The following TBXAS1 variants were observed in gnomAD, a reference collection of about 807,000 sequenced individuals.
The protein encoded by TBXAS1 is thromboxane-A synthase.
TBXAS1 carries 48 observed loss-of-function variants against 60.7 expected under a neutral mutation model. The ratio of observed to expected loss-of-function variants is 0.79; its 90% CI spans 0.63 to 1.01. TBXAS1 has a LOEUF of 1.01. TBXAS1 is among the 50% of genes least tolerant of loss of function. TBXAS1 has a pLI of 0.00. For missense variants in TBXAS1, 685 were observed against 686.3 expected (o/e 1.00, Z 0.02); for synonymous variants, 287 against 269.7 (o/e 1.06, Z -0.63).
intron 4 of TBXAS1, among the ~76,000 whole-genome samples, chr7:139,934,633 G>A (rs1186153848): frequency 1.3e-5 from 2 of 152,216 alleles, no homozygotes; most frequent in East Asian, 1.9e-4. Context: ...GAAGCCTGAA[G>A]TCAAGGTGTC....
chr7:139,799,143 A>G (rs1337037793), intron 4 of TBXAS1, among the ~76,000 whole-genome samples: 1 of 139,230 alleles, frequency 7.2e-6, no homozygotes, highest in Non-Finnish European at 1.5e-5. Context: ...ATCCCTGGTC[A>G]CTGCAGCTTC....
At chr7:139,926,927 G>T (rs893992743) in intron 4 of TBXAS1, among the ~76,000 whole-genome samples, 4 of 151,778 alleles carry the variant, frequency 2.6e-5, no homozygotes, top group Admixed American at 6.6e-5. Flanking sequence ...TTAAACAATT[G>T]GAAATTGTAT....
intron 3 of TBXAS1, among the ~76,000 whole-genome samples, chr7:139,902,867 A>C (rs1163187728): frequency 1.3e-5 from 2 of 152,132 alleles, no homozygotes; most frequent in East Asian, 3.8e-4. Flanking sequence ...ATAATGTTAA[A>C]CATCTTTTCA....
At chr7:139,901,418 T>TA in intron 3 of TBXAS1, among the ~76,000 whole-genome samples, 1 of 152,092 alleles carries the variant, frequency 6.6e-6, no homozygotes, top group East Asian at 1.9e-4. Context: ...TTTGTTCCTT[T>TA]AAAAAAATCT....
intron 8 of TBXAS1, among the ~76,000 whole-genome samples, chr7:139,961,646 A>G (rs1213252680): frequency 6.6e-6 from 1 of 152,224 alleles, no homozygotes. Flanking sequence ...TGACTTTCAC[A>G]TCAGCCCAGA....
intron 4 of TBXAS1, among the ~76,000 whole-genome samples, chr7:139,790,262 T>C (rs925506590): frequency 6.6e-6 from 1 of 152,230 alleles, no homozygotes; most frequent in Non-Finnish European, 1.5e-5. Context: ...GTAGGGACCA[T>C]GAGGATCTTT....
intron 4 of TBXAS1, among the ~76,000 whole-genome samples, chr7:139,803,697 G>A (rs866489349): frequency 6.6e-6 from 1 of 152,194 alleles, no homozygotes; most frequent in Non-Finnish European, 1.5e-5. Flanking sequence ...ACTTGGTGCT[G>A]TGAGTCCCAG....
chr7:139,849,641 C>T (rs1170404367), intron 1 of TBXAS1, among the ~76,000 whole-genome samples: 4 of 152,006 alleles, frequency 2.6e-5, no homozygotes, highest in African/African-American at 4.8e-5. Context: ...TGACTGATGA[C>T]GGAGCATGAG....
intron 1 of TBXAS1, among the ~76,000 whole-genome samples, chr7:139,851,151 T>TA (rs1405796596): frequency 3.3e-5 from 5 of 152,182 alleles, no homozygotes; most frequent in African/African-American, 1.2e-4. Context: ...ACCTAACTCT[T>TA]AGCAAGTTTA....
intron 4 of TBXAS1, among the ~76,000 whole-genome samples, chr7:139,917,738 T>C (rs1806121196): frequency 6.6e-6 from 1 of 152,246 alleles, no homozygotes; most frequent in Non-Finnish European, 1.5e-5. Context: ...TCTCTCTGCC[T>C]TGCAGAGATT....
intron 4 of TBXAS1, among the ~76,000 whole-genome samples, chr7:139,788,269 T>C (rs192235849): frequency 2.0e-5 from 3 of 152,354 alleles, no homozygotes; most frequent in Non-Finnish European, 1.5e-5. Flanking sequence ...AACTCCAGGA[T>C]AAGAATCCCT....
At chr7:139,949,792 G>A (rs1809047800) in intron 5 of TBXAS1, among the ~76,000 whole-genome samples, 1 of 152,166 alleles carries the variant, frequency 6.6e-6, no homozygotes, top group African/African-American at 2.4e-5. Context: ...TTCCCCAGCT[G>A]ACTCATCAGT....
chr7:139,910,218 C>T (rs1419854052), intron 3 of TBXAS1, among the ~76,000 whole-genome samples: 1 of 152,160 alleles, frequency 6.6e-6, no homozygotes, highest in Non-Finnish European at 1.5e-5. Flanking sequence ...GATTTGCTTT[C>T]GTGCCCCCAG....
At chr7:139,980,150 G>A (rs1395132861) in intron 9 of TBXAS1, among the ~76,000 whole-genome samples, 2 of 152,074 alleles carry the variant, frequency 1.3e-5, no homozygotes. Flanking sequence ...CTGCTGATAT[G>A]AGCCATAATT....
intron 1 of TBXAS1, among the ~76,000 whole-genome samples, chr7:139,859,428 A>G (rs527483623): frequency 1.1e-4 from 17 of 149,614 alleles, no homozygotes; most frequent in South Asian, 4.2e-4. Context: ...GGATGGTCTC[A>G]ATCTTCTTAC....
chr7:139,991,788 A>G (rs1428558188), intron 9 of TBXAS1, among the ~76,000 whole-genome samples: 1 of 152,234 alleles, frequency 6.6e-6, no homozygotes, highest in African/African-American at 2.4e-5. Flanking sequence ...TAAGAAAACC[A>G]AAAAAGGGTA....
intron 7 of TBXAS1, 143 bp downstream of exon 7, chr7:139,955,750 T>C (rs1809821136): frequency 1.6e-6 from 2 of 1,258,488 alleles, no homozygotes; most frequent in Admixed American, 1.9e-5. Flanking sequence ...CTTTGTCTTA[T>C]GGAGCCACCG....
At chr7:139,910,403 G>A (rs1339473011) in intron 3 of TBXAS1, among the ~76,000 whole-genome samples, 1 of 152,084 alleles carries the variant, frequency 6.6e-6, no homozygotes, top group South Asian at 2.1e-4. Flanking sequence ...TTGGGAGGCC[G>A]AGGTGGGCGG....
intron 11 of TBXAS1, among the ~76,000 whole-genome samples, chr7:140,016,188 C>T (rs543629013): frequency 1.9e-4 from 29 of 151,954 alleles, no homozygotes; most frequent in South Asian, 8.3e-4. Context: ...CTTAGCTGGG[C>T]GTGGTGGCGG....
Sources: gnomAD v4.1 joint callset for allele counts (sites outside exome capture counted in the v4.1 genomes callset) on GRCh38, gnomAD v4.1.1 for gene constraint, MANE v1.5 for transcripts, NCBI Gene and HGNC (gene_info 2026-07-23, HGNC 2026-07-21) for gene names.